Variants in CDH4 observed in about 807,000 individuals in gnomAD.
CDH4 encodes cadherin-4.
A neutral mutation model predicts 86.0 loss-of-function variants in CDH4; 33 were observed. The observed-to-expected ratio is 0.38, with a 90% CI of 0.29 to 0.51. The LOEUF is 0.51. CDH4 is among the 20% of genes least tolerant of loss of function. CDH4 has a pLI of 0.86. For synonymous variants in CDH4, 555 were observed against 549.4 expected, an observed-to-expected ratio of 1.01 and a Z score of -0.14; for missense variants, 1,114 against 1,307.4, an observed-to-expected ratio of 0.85 and a Z score of 2.28.
intron 2 of CDH4, among the ~76,000 whole-genome samples, chr20:61,595,623 T>C (rs1289152003): frequency 6.6e-6 from 1 of 152,210 alleles, no homozygotes; most frequent in Non-Finnish European, 1.5e-5. Context: ...TTTTTGTTGA[T>C]TCTTCTGTAG....
At chr20:61,444,287 G>A (rs141951342) in intron 2 of CDH4, among the ~76,000 whole-genome samples, 222 of 151,682 alleles carry the variant, frequency 1.5e-3, no homozygotes, top group Admixed American at 2.0e-3. Flanking sequence ...GTGTATGTAT[G>A]TGTGGGTTTC....
chr20:61,482,171 G>A (rs566338108), intron 2 of CDH4, among the ~76,000 whole-genome samples: 27 of 152,308 alleles, frequency 1.8e-4, no homozygotes, highest in African/African-American at 6.3e-4. Context: ...GCAAAGTGCA[G>A]ATTAATGGAG....
At chr20:61,257,442 G>C (rs544744111) in intron 2 of CDH4, among the ~76,000 whole-genome samples, 3 of 152,346 alleles carry the variant, frequency 2.0e-5, no homozygotes, top group African/African-American at 4.8e-5. Context: ...TATGTATTAC[G>C]AACCTTCCGA....
intron 2 of CDH4, among the ~76,000 whole-genome samples, chr20:61,374,895 C>T (rs1362855329): frequency 3.3e-5 from 5 of 152,224 alleles, no homozygotes; most frequent in Non-Finnish European, 7.3e-5. Context: ...TATACAGCTT[C>T]GGTCTCCACG....
intron 2 of CDH4, among the ~76,000 whole-genome samples, chr20:61,572,364 G>C (rs1412666109): frequency 6.6e-6 from 1 of 152,210 alleles, no homozygotes; most frequent in Non-Finnish European, 1.5e-5. Context: ...CCAAGTGACA[G>C]AGCAAAAGCT....
intron 2 of CDH4, among the ~76,000 whole-genome samples, chr20:61,379,676 A>C (rs1162432767): frequency 6.6e-6 from 1 of 152,160 alleles, no homozygotes; most frequent in African/African-American, 2.4e-5. Context: ...ATTTAAATGC[A>C]CTGATTCGAC....
At chr20:61,734,002 G>A (rs960061965) in intron 2 of CDH4, among the ~76,000 whole-genome samples, 2 of 152,256 alleles carry the variant, frequency 1.3e-5, no homozygotes, top group African/African-American at 4.8e-5. Flanking sequence ...CTCAGGGCTG[G>A]TTCCCAGCGC....
chr20:61,555,040 A>G (rs765478418), intron 2 of CDH4, among the ~76,000 whole-genome samples: 3 of 152,200 alleles, frequency 2.0e-5, no homozygotes, highest in Non-Finnish European at 2.9e-5. Flanking sequence ...GTGTGCATGT[A>G]TGAGCATATG....
chr20:61,873,399 A>G (rs1213334534), intron 6 of CDH4, among the ~76,000 whole-genome samples: 1 of 152,238 alleles, frequency 6.6e-6, no homozygotes, highest in East Asian at 1.9e-4. Flanking sequence ...ACCCGGCTCC[A>G]GGCCTGCTCT....
At chr20:61,896,345 G>A (rs528980406) in intron 8 of CDH4, among the ~76,000 whole-genome samples, 1 of 152,246 alleles carries the variant, frequency 6.6e-6, no homozygotes, top group Non-Finnish European at 1.5e-5. Flanking sequence ...TAAGGCCAGA[G>A]CCCCTCGCCA....
intron 2 of CDH4, among the ~76,000 whole-genome samples, chr20:61,471,893 G>A (rs887895239): frequency 3.9e-5 from 6 of 152,066 alleles, no homozygotes; most frequent in Non-Finnish European, 7.4e-5. Context: ...TTTTTTAAAT[G>A]TTTTAAGATT....
chr20:61,640,962 C>G (rs2087001543), intron 2 of CDH4, among the ~76,000 whole-genome samples: 1 of 152,196 alleles, frequency 6.6e-6, no homozygotes, highest in South Asian at 2.1e-4. Context: ...TGTGGGAACG[C>G]CCAGCCTGCA....
At chr20:61,745,550 G>A (rs752589315) in intron 3 of CDH4, among the ~76,000 whole-genome samples, 16 of 152,142 alleles carry the variant, frequency 1.1e-4, no homozygotes, top group East Asian at 7.8e-4. Context: ...CGCCTCTAAC[G>A]GCAGTGGCCC....
At chr20:61,439,650 A>G (rs1161247029) in intron 2 of CDH4, among the ~76,000 whole-genome samples, 1 of 152,222 alleles carries the variant, frequency 6.6e-6, no homozygotes. Context: ...CCAGCTGTGG[A>G]AGGCGGGAAC....
intron 2 of CDH4, among the ~76,000 whole-genome samples, chr20:61,644,348 T>C (rs2087039698): frequency 6.6e-6 from 1 of 152,190 alleles, no homozygotes; most frequent in Non-Finnish European, 1.5e-5. Flanking sequence ...TCCTCACAGA[T>C]GCACAGGGCT....
chr20:61,893,420 G>A (rs1984939437), intron 7 of CDH4, among the ~76,000 whole-genome samples: 1 of 151,216 alleles, frequency 6.6e-6, no homozygotes, highest in African/African-American at 2.4e-5. Context: ...GGAGGGGTGA[G>A]TGGATAGATA....
intron 2 of CDH4, among the ~76,000 whole-genome samples, chr20:61,715,850 C>T (rs536323667): frequency 6.6e-6 from 1 of 152,342 alleles, no homozygotes; most frequent in Admixed American, 6.5e-5. Context: ...GCCTGAGGGC[C>T]ATAGCAGGAG....
At chr20:61,734,935 G>A (rs1048390538) in intron 2 of CDH4, among the ~76,000 whole-genome samples, 17 of 152,014 alleles carry the variant, frequency 1.1e-4, no homozygotes, top group African/African-American at 2.9e-4. Flanking sequence ...CCCCGCTCCC[G>A]AGAATCTCCC....
At chr20:61,894,347 C>G (rs1027018205) in intron 7 of CDH4, among the ~76,000 whole-genome samples, 10 of 152,236 alleles carry the variant, frequency 6.6e-5, no homozygotes, top group African/African-American at 2.4e-4. Flanking sequence ...ACACCTGCGC[C>G]TGCACGGTAA....
Sources: gnomAD v4.1 joint callset for allele counts (sites outside exome capture counted in the v4.1 genomes callset) on GRCh38, gnomAD v4.1.1 for gene constraint, MANE v1.5 for transcripts, NCBI Gene and HGNC (gene_info 2026-07-23, HGNC 2026-07-21) for gene names.